PLOD2: variants seen among roughly 807,000 people sequenced by gnomAD.
PLOD2 encodes the protein procollagen-lysine,2-oxoglutarate 5-dioxygenase 2.
PLOD2 carries 65 observed loss-of-function variants against 101.0 expected under a neutral mutation model. The ratio of observed to expected loss-of-function variants is 0.64; its 90% CI spans 0.53 to 0.79. The LOEUF (loss-of-function observed/expected upper bound fraction) is 0.79, where lower values mean the gene tolerates loss of function less well. Among genes scored for constraint, PLOD2 ranks in the 30% least tolerant of loss-of-function variants. The probability of loss-of-function intolerance (pLI) is 0.00; values close to 1 mark genes in which losing one functional copy is unlikely to be tolerated. For missense variants in PLOD2, 909 were observed against 914.6 expected (o/e 0.99, Z 0.08); for synonymous variants, 314 against 302.9 (o/e 1.04, Z -0.38).
intron 6 of PLOD2, 39 bp downstream of exon 6, chr3:146,104,240 G>A (rs1336558737): frequency 8.5e-7 from 1 of 1,177,310 alleles, no homozygotes. Context: ...ACAGGTGTTT[G>A]TTTGTATACG....
In PLOD2 at chr3:146,072,680, T is replaced by C. The variant is rs1472882848; in HGVS notation, c.1744-15A>G. ...TCTGGACAGGGCTATAAAATATGCA[T>C]CATCGTTAGAAGACATAATAACTTC... On this transcript the variant is annotated splice_polypyrimidine_tract_variant and intron_variant, in intron 16 of 19. Transcript: ENST00000282903. 1.4e-6 allele frequency: 2 copies of C among 1,441,142 alleles called. No individual in the cohort carries two copies. The highest frequency in any genetic ancestry group is 9.8e-7 in the Non-Finnish European group (1 of 1,023,386). 89.3% of individuals were successfully genotyped at this position (1,441,142 alleles called of 1,614,324 possible). A position where few individuals can be genotyped will look rare whatever the true frequency, so the allele number is the denominator to read the frequency against.
At chr3:146,070,932 A>C in intron 19 of PLOD2, 60 bp from the exon 20 acceptor site, 1 of 1,534,222 alleles carries the variant, frequency 6.5e-7, no homozygotes, top group Admixed American at 1.7e-5. Flanking sequence ...CAAAATTCAA[A>C]TTATGTCATT....
intron 1 of PLOD2, among the ~76,000 whole-genome samples, chr3:146,146,376 T>C (rs1183068744): frequency 2.0e-5 from 3 of 152,148 alleles, no homozygotes; most frequent in Admixed American, 6.5e-5. Flanking sequence ...CCTGTGAGAT[T>C]TGAAAAACAG....
intron 3 of PLOD2, among the ~76,000 whole-genome samples, chr3:146,117,088 T>C (rs1024182215): frequency 2.0e-5 from 3 of 152,278 alleles, no homozygotes; most frequent in Admixed American, 6.6e-5. Flanking sequence ...ATTAAATTCA[T>C]TGAATTTTAC....
chr3:146,132,947 G>A (rs1237242971), intron 1 of PLOD2, among the ~76,000 whole-genome samples: 1 of 152,192 alleles, frequency 6.6e-6, no homozygotes, highest in Non-Finnish European at 1.5e-5. Context: ...GGGAGGCCAA[G>A]GTGGGCGGAT....
intron 1 of PLOD2, among the ~76,000 whole-genome samples, chr3:146,135,284 T>C (rs1050977738): frequency 6.6e-5 from 10 of 152,152 alleles, no homozygotes; most frequent in African/African-American, 2.2e-4. Flanking sequence ...AGTTGCTATA[T>C]AAGATATTAC....
At chr3:146,109,752 G>A (rs1937595146) in intron 4 of PLOD2, among the ~76,000 whole-genome samples, 1 of 152,084 alleles carries the variant, frequency 6.6e-6, no homozygotes, top group South Asian at 2.1e-4. Context: ...TTAATCCGTG[G>A]TAGCACAGCT....
rs367985459 is a variant in PLOD2 at position 146,161,022 on chromosome 3, G to C, written c.-33C>G. 3 of 1,382,276 alleles carry C rather than the reference G, an allele frequency of 2.2e-6. No individual in the cohort carries two copies. In the South Asian group the frequency reaches 3.7e-5, roughly 17 times the overall value. The allele number at this position is 1,382,276 out of a possible 1,614,324, so 85.6% of individuals were successfully genotyped here. Reference sequence around the variant, plus strand: ...CCTCGAGGGCCGCGCGGGCTCAGGCGCCCACGGCCCCGCAGCGCCGCGCTT... The same window carrying C: ...CCTCGAGGGCCGCGCGGGCTCAGGCCCCCACGGCCCCGCAGCGCCGCGCTT... On this transcript the variant is annotated 5_prime_UTR_variant, in exon 1 of 20. Coordinates refer to ENST00000282903, the MANE Select transcript of PLOD2 (RefSeq NM_182943.3).
intron 2 of PLOD2, among the ~76,000 whole-genome samples, chr3:146,122,921 A>G (rs2030276569): frequency 6.6e-6 from 1 of 152,120 alleles, no homozygotes; most frequent in Non-Finnish European, 1.5e-5. Flanking sequence ...AGATTTCAGC[A>G]TTATTTTATC....
intron 1 of PLOD2, among the ~76,000 whole-genome samples, chr3:146,154,403 T>A (rs935703129): frequency 2.0e-5 from 3 of 151,458 alleles, no homozygotes; most frequent in African/African-American, 7.3e-5. Flanking sequence ...CTGGGGAGTA[T>A]CCCCATCACT....
At chr3:146,093,658 G>GA (rs1937054983) in intron 7 of PLOD2, among the ~76,000 whole-genome samples, 1 of 152,008 alleles carries the variant, frequency 6.6e-6, no homozygotes, top group Non-Finnish European at 1.5e-5. Flanking sequence ...TTAAAAGACA[G>GA]AAAAAATTTC....
chr3:146,147,818 G>A (rs973533217), intron 1 of PLOD2, among the ~76,000 whole-genome samples: 1 of 152,304 alleles, frequency 6.6e-6, no homozygotes, highest in Admixed American at 6.5e-5. Flanking sequence ...AAACACATCA[G>A]TGAAGAGGCC....
rs554463990 is a variant in PLOD2 at position 146,103,410 on chromosome 3, C to T, written c.680-558G>A. On this transcript the variant is annotated intron_variant, in intron 6 of 19. Transcript: ENST00000282903. ...TCAAGTCAGAGAGGAGCAGAGCCAT[C>T]GTCTTAAAATTTCCTGAGCACTCCA... Among the ~76,000 whole-genome samples, 16 of 151,646 alleles carry T rather than the reference C, an allele frequency of 1.1e-4. No homozygotes were observed. In the South Asian group the frequency reaches 1.2e-3, roughly 12 times the overall value.
At chr3:146,091,750 G>T in intron 8 of PLOD2, 50 bp downstream of exon 8, 1 of 1,020,206 alleles carries the variant, frequency 9.8e-7, no homozygotes, top group Non-Finnish European at 1.6e-6. Flanking sequence ...AGTATTTCAT[G>T]ACAATGTACT....
chr3:146,116,260 C>T (rs904053021), intron 3 of PLOD2, among the ~76,000 whole-genome samples: 1 of 152,002 alleles, frequency 6.6e-6, no homozygotes, highest in South Asian at 2.1e-4. Flanking sequence ...GACACAGACA[C>T]ACAGACACAC....
At chr3:146,131,055 C>T (rs1341018164) in intron 1 of PLOD2, among the ~76,000 whole-genome samples, 1 of 152,188 alleles carries the variant, frequency 6.6e-6, no homozygotes, top group East Asian at 1.9e-4. Flanking sequence ...GGTACAGAGG[C>T]TGCCTATGTG....
intron 15 of PLOD2, among the ~76,000 whole-genome samples, chr3:146,075,240 CAG>C (rs1473720172): frequency 1.3e-5 from 2 of 151,410 alleles, no homozygotes; most frequent in South Asian, 4.1e-4. Context: ...TCAGAATATT[CAG>C]AGACTACTAC....
chr3:146,124,175 A>T lies in PLOD2; in HGVS notation c.164T>A (p.Phe55Tyr). 6.3e-7 allele frequency: 1 copy of T among 1,596,482 alleles called. No individual in the cohort carries two copies. The highest frequency in any genetic ancestry group is 8.6e-7 in the Non-Finnish European group (1 of 1,164,778). The change falls in exon 2 of 20, where the codon TTT becomes TAT. Residue 55 changes from phenylalanine (F) to tyrosine (Y), a missense_variant. Coordinates refer to ENST00000282903, the MANE Select transcript of PLOD2 (RefSeq NM_182943.3). ...ATTGAAATATTTGGCTGACTGCATA[A>T]ATCGATGGAATCCATCACTTTCTTT... ...ATKESDGFHRFMQSAKYFNYT... is the reference protein window; with the variant it reads ...ATKESDGFHRYMQSAKYFNYT...
chr3:146,111,721 T>TA (rs11425603), intron 3 of PLOD2, among the ~76,000 whole-genome samples: 73,266 of 150,114 alleles, frequency 0.49, 17,682 homozygotes, highest in East Asian at 0.57. Context: ...CCCTGTTTAT[T>TA]AAAAAAAAAA....
Sources: gnomAD v4.1 joint callset for allele counts (sites outside exome capture counted in the v4.1 genomes callset) on GRCh38, gnomAD v4.1.1 for gene constraint, MANE v1.5 for transcripts, NCBI Gene and HGNC (gene_info 2026-07-23, HGNC 2026-07-21) for gene names.